The following CDC25C variants were observed in gnomAD, a reference collection of about 807,000 sequenced individuals.
CDC25C encodes cell division cycle 25C.
A neutral mutation model predicts 52.5 loss-of-function variants in CDC25C; 48 were observed. The ratio of observed to expected loss-of-function variants is 0.91; its 90% CI spans 0.72 to 1.16. The LOEUF (loss-of-function observed/expected upper bound fraction) is 1.16, where lower values mean the gene tolerates loss of function less well. Ranked by LOEUF, CDC25C falls within the 50% of genes most tolerant of loss-of-function variation. The pLI is 0.00. For missense variants in CDC25C, 510 were observed against 566.1 expected (o/e 0.90, Z 1.01); for synonymous variants, 187 against 206.5 (o/e 0.91, Z 0.81).
exon 1 of CDC25C, chr5:138,337,993 G>T (rs1760835463): frequency 1.6e-6 from 2 of 1,289,618 alleles, no homozygotes; most frequent in African/African-American, 3.0e-5. Flanking sequence ...GTTTCAAGAT[G>T]TGCCTCCAAC....
intron 7 of CDC25C, among the ~76,000 whole-genome samples, chr5:138,303,779 C>T (rs1757802019): frequency 6.6e-6 from 1 of 152,140 alleles, no homozygotes; most frequent in Non-Finnish European, 1.5e-5. Context: ...TACCATCTGC[C>T]ATATTACAAA....
At chr5:138,330,903 G>T (rs1760319090) in intron 2 of CDC25C, 84 bp downstream of exon 2, 2 of 954,996 alleles carry the variant, frequency 2.1e-6, no homozygotes, top group South Asian at 1.4e-5. Flanking sequence ...TTTGAGCCGG[G>T]ATAATTGAAA....
chr5:138,291,666 G>A (rs1312709680), intron 8 of CDC25C, among the ~76,000 whole-genome samples: 1 of 151,784 alleles, frequency 6.6e-6, no homozygotes, highest in Non-Finnish European at 1.5e-5. Flanking sequence ...CAATCCGCCC[G>A]CCTCGGCCTC....
chr5:138,326,564 A>G (rs1174776263), intron 4 of CDC25C, among the ~76,000 whole-genome samples: 1 of 151,934 alleles, frequency 6.6e-6, no homozygotes, highest in African/African-American at 2.4e-5. Context: ...GACGGTCTTG[A>G]TCTCCTGACC....
exon 1 of CDC25C, chr5:138,338,323 C>G (rs1242866875): frequency 6.1e-6 from 3 of 492,804 alleles, no homozygotes; most frequent in Non-Finnish European, 1.1e-5. Context: ...TGGTGGAGGG[C>G]AGGTGGCGCT....
exon 1 of CDC25C, chr5:138,338,285 C>A (rs902421449): frequency 4.8e-6 from 4 of 839,652 alleles, no homozygotes; most frequent in African/African-American, 1.8e-5. Context: ...CCGGCCGCGG[C>A]CCTGGGAGCT....
Position 138,285,803 on chromosome 5 carries a change from A to G in CDC25C, c.1311T>C (p.His437=). The G allele has an allele frequency of 6.2e-7, 1 of 1,614,166 alleles. No homozygotes were observed. Among genetic ancestry groups the G allele is most frequent in the African/African-American group, 1.3e-5 (1 of 75,040 alleles). ...CEPQSYCPMH[H]QDHKTELLRC... ...TCAGCAACTCAGTCTTGTGGTCCTG[A>G]TGATGCATAGGGCAGTAGCTCTGTG... The change falls in exon 14 of 14, where the codon CAT becomes CAC. Residue 437 remains histidine, a synonymous_variant. Coordinates refer to ENST00000323760, the MANE Select transcript of CDC25C (RefSeq NM_001790.5).
chr5:138,287,393 C>T (rs1390662548), intron 10 of CDC25C, 126 bp from the exon 11 acceptor site: 5 of 601,590 alleles, frequency 8.3e-6, no homozygotes, highest in Middle Eastern at 2.7e-4. Flanking sequence ...CAAAGTCACC[C>T]CATATTTGAT....
chr5:138,318,204 T>G (rs1041756966), intron 7 of CDC25C, among the ~76,000 whole-genome samples: 1 of 151,806 alleles, frequency 6.6e-6, no homozygotes, highest in South Asian at 2.1e-4. Flanking sequence ...ATGGCGTGCT[T>G]TGGGAGGCTG....
At chr5:138,295,578 A>C (rs1409299198) in intron 7 of CDC25C, among the ~76,000 whole-genome samples, 2 of 151,850 alleles carry the variant, frequency 1.3e-5, no homozygotes, top group African/African-American at 2.4e-5. Context: ...ATGCCACTGC[A>C]TTCCAGCCTG....
At chr5:138,294,690 G>C (rs1580719872) in intron 7 of CDC25C, among the ~76,000 whole-genome samples, 1 of 151,982 alleles carries the variant, frequency 6.6e-6, no homozygotes. Context: ...ATTTTTAGTA[G>C]AGATGGGGTT....
At position 138,328,498 on chromosome 5, in the gene CDC25C, C is replaced by T. The variant is rs1214723566; in HGVS notation, c.321G>A (p.Val107=). The T allele has an allele frequency of 1.2e-6, 2 of 1,613,946 alleles. No homozygotes were observed. The highest frequency in any genetic ancestry group is 1.7e-5 in the Admixed American group (1 of 60,018). The change falls in exon 4 of 14, where the codon GTG becomes GTA. Residue 107 remains valine (V), a synonymous_variant. Transcript: ENST00000323760. ...ACAGAACTTACATCCCAGCTAAATG[C>T]ACTTCCTGAAGTCCTGAAGAATCCA... is the stretch of plus-strand genomic sequence containing the variant. The part of the protein sequence containing the change: ...GHLDSSGLQE[V]HLAGMNHDQH...
At chr5:138,305,201 T>G (rs1291300615) in intron 7 of CDC25C, among the ~76,000 whole-genome samples, 2 of 152,216 alleles carry the variant, frequency 1.3e-5, no homozygotes, top group Non-Finnish European at 2.9e-5. Context: ...CTTTCCCAGC[T>G]TTAGCAATGG....
Position 138,329,542 on chromosome 5 carries a change from C to T in CDC25C, c.289+11G>A. 6.5e-7 allele frequency: 1 copy of T among 1,549,216 alleles called. No homozygotes were observed. The highest frequency in any genetic ancestry group is 2.2e-5 in the East Asian group (1 of 44,512). ...TCTTCCCTTTGAGGCCTTTATCTCCCTTCTCCCTACCAGTTTCATCAAGGT... is the reference window on the plus strand; with the variant it reads ...TCTTCCCTTTGAGGCCTTTATCTCCTTTCTCCCTACCAGTTTCATCAAGGT... On this transcript the variant is annotated intron_variant, in intron 3 of 13. Coordinates refer to ENST00000323760, the MANE Select transcript of CDC25C (RefSeq NM_001790.5).
rs1756540688 is a variant in CDC25C, at chr5:138,289,580, G to A, written c.865-17C>T. 1 of 1,606,096 alleles carries A rather than the reference G, an allele frequency of 6.2e-7. No individual in the cohort carries two copies. Among genetic ancestry groups the A allele is most frequent in the Non-Finnish European group, 8.5e-7 (1 of 1,172,776 alleles). On this transcript the variant is annotated splice_polypyrimidine_tract_variant and intron_variant, in intron 9 of 13. Coordinates refer to ENST00000323760, the MANE Select transcript of CDC25C (RefSeq NM_001790.5). ...CGCACATACCTAGAAATACACAAGA[G>A]CTGAAATAACAGCAAGTATTCCACA...
intron 6 of CDC25C, among the ~76,000 whole-genome samples, chr5:138,322,741 C>G (rs947145549): frequency 1.4e-5 from 2 of 144,088 alleles, no homozygotes; most frequent in African/African-American, 4.9e-5. Flanking sequence ...TCCCAAAGTG[C>G]TGGAATTACA....
intron 1 of CDC25C, chr5:138,337,941 G>T (rs908948727): frequency 7.8e-7 from 1 of 1,287,870 alleles, no homozygotes; most frequent in Non-Finnish European, 1.0e-6. Flanking sequence ...GGGCAGGGGC[G>T]ATGCCTTTGT....
At chr5:138,294,576 C>T (rs543588592) in intron 7 of CDC25C, among the ~76,000 whole-genome samples, 2 of 148,884 alleles carry the variant, frequency 1.3e-5, no homozygotes, top group East Asian at 2.0e-4. Context: ...GCGACCTCAG[C>T]GCACTGCAAG....
intron 7 of CDC25C, among the ~76,000 whole-genome samples, chr5:138,313,991 CTTTCTTT>C (rs1336591936): frequency 2.4e-4 from 26 of 106,384 alleles, no homozygotes; most frequent in African/African-American, 7.2e-4. Context: ...TTCTTTCTTT[CTTTCTTT>C]TTTTTTTTTT....
Sources: gnomAD v4.1 joint callset for allele counts (sites outside exome capture counted in the v4.1 genomes callset) on GRCh38, gnomAD v4.1.1 for gene constraint, MANE v1.5 for transcripts, NCBI Gene and HGNC (gene_info 2026-07-23, HGNC 2026-07-21) for gene names.